STEEP1: variants seen among roughly 807,000 people sequenced by gnomAD.
STEEP1 encodes the protein STING ER exit protein.
A neutral mutation model predicts 19.2 loss-of-function variants in STEEP1; 3 were observed. The ratio of observed to expected loss-of-function variants is 0.16; its 90% CI spans 0.07 to 0.40. The LOEUF is 0.40. Ranked by LOEUF, STEEP1 falls within the 10% of genes least tolerant of loss-of-function variation. The pLI is 0.99. For synonymous variants in STEEP1, 46 were observed against 63.7 expected (o/e 0.72, Z 1.32); for missense variants, 54 against 177.1 (o/e 0.30, Z 3.94).
rs1251659367 is a variant in STEEP1, at chrX:119,538,420, C to CT, written c.*1306dup. Reference sequence around the variant, plus strand: ...GAGGGTAGCTCCCTCCCTTGGGTTACTTTTTTTTTTTTTTTTTTTTGTAGA... The same window carrying CT: ...GAGGGTAGCTCCCTCCCTTGGGTTACTTTTTTTTTTTTTTTTTTTTTGTAGA... On this transcript the variant is annotated 3_prime_UTR_variant, in exon 7 of 7. Coordinates refer to ENST00000644802, the MANE Select transcript of STEEP1 (RefSeq NM_022101.4). 7.1e-3 allele frequency: 655 copies of CT among 92,803 alleles called. 9 individuals carry two copies. The highest frequency in any genetic ancestry group is 0.017 in the African/African-American group (443 of 25,436). The allele number at this position is 92,803 out of a possible 1,213,427, so 7.6% of individuals were successfully genotyped here. A position where few individuals can be genotyped will look rare whatever the true frequency, so the allele number is the denominator to read the frequency against.
At position 119,541,316 on chromosome X, in the gene STEEP1, C is replaced by A. The variant is rs747609003; in HGVS notation, c.606+12G>T. ...ATAGGGCCCCAGCACCTTGCTACCC[C>A]TTGCTACTCACCAGCTCTTGCAGTC... On this transcript the variant is annotated intron_variant, in intron 6 of 6. Coordinates refer to ENST00000644802, the MANE Select transcript of STEEP1 (RefSeq NM_022101.4). 1.8e-6 allele frequency: 2 copies of A among 1,091,149 alleles called. No homozygotes were observed. The highest frequency in any genetic ancestry group is 1.8e-5 in the African/African-American group (1 of 55,076). 89.9% of individuals were successfully genotyped at this position (1,091,149 alleles called of 1,213,427 possible).
chrX:119,544,270 G>T, intron 4 of STEEP1, 83 bp downstream of exon 4: 1 of 807,927 alleles, frequency 1.2e-6, no homozygotes, highest in Non-Finnish European at 1.8e-6. Flanking sequence ...ATAAAGAGCA[G>T]TTTCTCATCA....
At chrX:119,564,503 A>AGGGG (rs111539730) in intron 1 of STEEP1, among the ~76,000 whole-genome samples, 14 of 77,663 alleles carry the variant, frequency 1.8e-4, no homozygotes, top group African/African-American at 7.0e-4. Context: ...CTGAAAAAAA[A>AGGGG]GGGGGGGGGG....
chrX:119,553,498 C>G (rs554135782), intron 2 of STEEP1, among the ~76,000 whole-genome samples: 10 of 111,553 alleles, frequency 9.0e-5, no homozygotes, highest in African/African-American at 3.2e-4. Context: ...GATTACTTGC[C>G]CAAAGTCACA....
chrX:119,539,821 A>G (rs755795873), intron 6 of STEEP1, 32 bp from the exon 7 acceptor site: 18 of 1,096,989 alleles, frequency 1.6e-5, no homozygotes, highest in Non-Finnish European at 2.3e-5. Context: ...ATGTCTTGAT[A>G]CATGACATGA....
At chrX:119,552,115 A>C (rs1247714116) in intron 2 of STEEP1, among the ~76,000 whole-genome samples, 1 of 110,652 alleles carries the variant, frequency 9.0e-6, no homozygotes, top group African/African-American at 3.3e-5. Flanking sequence ...GGATGGTCTC[A>C]ATCTCCAGAC....
intron 2 of STEEP1, among the ~76,000 whole-genome samples, chrX:119,545,722 C>T (rs955152818): frequency 1.8e-5 from 2 of 110,577 alleles, no homozygotes; most frequent in South Asian, 3.8e-4. Flanking sequence ...GGGGAAACCC[C>T]GTCTCTACTA....
chrX:119,548,107 G>A (rs2053218211), intron 2 of STEEP1, among the ~76,000 whole-genome samples: 1 of 111,101 alleles, frequency 9.0e-6, no homozygotes, highest in South Asian at 3.8e-4. Context: ...GGGAGGCAGA[G>A]GTTGCAGTGA....
chrX:119,538,930 A>C lies in STEEP1; in HGVS notation c.*797T>G, dbSNP rs930108273. 1 of 111,398 alleles carries C rather than the reference A, an allele frequency of 9.0e-6. No homozygotes were observed. Among genetic ancestry groups the C allele is most frequent in the Non-Finnish European group, 1.9e-5 (1 of 53,211 alleles). 9.2% of individuals were successfully genotyped at this position (111,398 alleles called of 1,213,427 possible). ...TCTCCTCTGACAGTAGAAAGATTCA[A>C]ACCACAGCCAATTCCAAGAACCCTT... On this transcript the variant is annotated 3_prime_UTR_variant, in exon 7 of 7. Transcript: ENST00000644802.
At chrX:119,564,393 G>A (rs1220794639) in intron 1 of STEEP1, among the ~76,000 whole-genome samples, 1 of 108,404 alleles carries the variant, frequency 9.2e-6, no homozygotes, top group Non-Finnish European at 1.9e-5. Flanking sequence ...CTACTCGGGA[G>A]GCTGAGGCAG....
intron 1 of STEEP1, among the ~76,000 whole-genome samples, chrX:119,564,940 G>A (rs1354060409): frequency 9.0e-6 from 1 of 111,362 alleles, no homozygotes; most frequent in East Asian, 2.8e-4. Flanking sequence ...AGTTTTTGAA[G>A]ACAGTGGATT....
At position 119,538,892 on chromosome X, in the gene STEEP1, G is replaced by A. The variant is rs2053142174; in HGVS notation, c.*835C>T. On this transcript the variant is annotated 3_prime_UTR_variant, in exon 7 of 7. Transcript: ENST00000644802. ...GTAAAGAAAGCTTTATGCAGATTCTGGCTTTTAATGGGTCTCCTCTGACAG... is the reference window on the plus strand; with the variant it reads ...GTAAAGAAAGCTTTATGCAGATTCTAGCTTTTAATGGGTCTCCTCTGACAG... 1 of 111,485 alleles carries A rather than the reference G, an allele frequency of 9.0e-6. No individual in the cohort carries two copies. The highest frequency in any genetic ancestry group is 3.3e-5 in the African/African-American group (1 of 30,654). 9.2% of individuals were successfully genotyped at this position (111,485 alleles called of 1,213,427 possible). A position where few individuals can be genotyped will look rare whatever the true frequency, so the allele number is the denominator to read the frequency against.
At chrX:119,556,410 C>T (rs187069206) in intron 2 of STEEP1, among the ~76,000 whole-genome samples, 2 of 109,922 alleles carry the variant, frequency 1.8e-5, no homozygotes, top group African/African-American at 3.3e-5. Flanking sequence ...AGTGAAACCC[C>T]GTCTCTACTA....
chrX:119,555,690 T>C (rs1451148564), intron 2 of STEEP1, among the ~76,000 whole-genome samples: 3 of 110,299 alleles, frequency 2.7e-5, no homozygotes, highest in Non-Finnish European at 3.8e-5. Flanking sequence ...GTAAGTGATT[T>C]TGGGTACTGA....
In STEEP1 at chrX:119,538,527, G is replaced by T. The variant is rs775421297; in HGVS notation, c.*1200C>A. 9.6e-6 allele frequency: 1 copy of T among 104,232 alleles called. No homozygotes were observed. Among genetic ancestry groups the T allele is most frequent in the Non-Finnish European group, 1.9e-5 (1 of 51,373 alleles). 8.6% of individuals were successfully genotyped at this position (104,232 alleles called of 1,213,427 possible). A position where few individuals can be genotyped will look rare whatever the true frequency, so the allele number is the denominator to read the frequency against. ...CAGCTCACTGCAACCTCCACCTCCC[G>T]AGTTCAAGCAATTCTCCTGCCTCTG... is the stretch of plus-strand genomic sequence containing the variant. On this transcript the variant is annotated 3_prime_UTR_variant, in exon 7 of 7. Transcript: ENST00000644802.
chrX:119,544,653 C>G (rs1274997514), intron 3 of STEEP1, among the ~76,000 whole-genome samples, 162 bp from the exon 4 acceptor site: 2 of 112,322 alleles, frequency 1.8e-5, no homozygotes, highest in Non-Finnish European at 3.8e-5. Context: ...TGATAAGAAT[C>G]ACTTAGGCCG....
chrX:119,541,435 G>A lies in STEEP1; in HGVS notation c.514-15C>T. ...GCAACTTCCCTCTGAAGGAAAAAAG[G>A]AGCATCCTTAAACCGGAAGTCTCAC... On this transcript the variant is annotated splice_polypyrimidine_tract_variant and intron_variant, in intron 5 of 6. Coordinates refer to ENST00000644802, the MANE Select transcript of STEEP1 (RefSeq NM_022101.4). 2.9e-6 allele frequency: 3 copies of A among 1,035,530 alleles called. No individual in the cohort carries two copies. The highest frequency in any genetic ancestry group is 4.1e-6 in the Non-Finnish European group (3 of 735,599). 85.3% of individuals were successfully genotyped at this position (1,035,530 alleles called of 1,213,427 possible).
chrX:119,541,661 G>A (rs1173064617), intron 5 of STEEP1, among the ~76,000 whole-genome samples: 1 of 111,702 alleles, frequency 9.0e-6, no homozygotes, highest in Admixed American at 9.5e-5. Flanking sequence ...CTGGAGTGCA[G>A]TAGCACAATC....
At chrX:119,542,211 C>T (rs1158640462) in intron 5 of STEEP1, among the ~76,000 whole-genome samples, 25 of 108,477 alleles carry the variant, frequency 2.3e-4, no homozygotes, top group Admixed American at 1.8e-3. Flanking sequence ...GGATTACAGG[C>T]GCGCACCAAC....
Sources: allele counts gnomAD v4.1 joint callset (sites outside exome capture counted in the v4.1 genomes callset), GRCh38; gene constraint gnomAD v4.1.1; transcripts MANE v1.5; gene names NCBI Gene and HGNC (gene_info 2026-07-23, HGNC 2026-07-21).